Variants in ADGRE1 observed in about 807,000 individuals in gnomAD.
ADGRE1 encodes the protein adhesion G protein-coupled receptor E1, also known as EGF-like module receptor 1.
In ADGRE1, 82 loss-of-function variants were observed where a neutral mutation model predicts 102.7. The ratio of observed to expected loss-of-function variants is 0.80; its 90% CI spans 0.67 to 0.96. ADGRE1 has a LOEUF of 0.96. Ranked by LOEUF, ADGRE1 falls within the 40% of genes least tolerant of loss-of-function variation. The pLI, the probability that ADGRE1 is intolerant of heterozygous loss-of-function variation, is 0.00. For synonymous variants in ADGRE1, 398 were observed against 399.6 expected (o/e 1.00, Z 0.05); for missense variants, 1,032 against 1,085.3 (o/e 0.95, Z 0.69).
chr19:6,921,719 C>T lies in ADGRE1; in HGVS notation c.1627C>T (p.Gln543Ter), dbSNP rs752012605. ...GTTTTTTTGTTTTTTTTAGCCAAAG[C>T]AGAAGTTTGAGAGGCCCATCTGTGT... ...IYTLENIQPK[Q>*]KFERPICVSW... Residue 543 changes from glutamine to a stop codon, truncating the protein, a stop_gained, in exon 14 of 21, where the codon CAG becomes TAG. Transcript: ENST00000312053. LOFTEE classifies it high-confidence loss of function. 5.6e-6 allele frequency: 9 copies of T among 1,592,944 alleles called. No homozygotes were observed. The Admixed American group carries it at 1.7e-4, about 29-fold the overall frequency.
At chr19:6,907,007 G>T (rs977440556) in intron 9 of ADGRE1, among the ~76,000 whole-genome samples, 2 of 152,130 alleles carry the variant, frequency 1.3e-5, no homozygotes, top group Admixed American at 1.3e-4. Context: ...TGCCAGTGAA[G>T]GTGTTGATGC....
At chr19:6,929,363 T>C (rs1274687877) in intron 17 of ADGRE1, among the ~76,000 whole-genome samples, 1 of 152,018 alleles carries the variant, frequency 6.6e-6, no homozygotes, top group Admixed American at 6.6e-5. Flanking sequence ...GGCCCAAAGA[T>C]TGGTTGGACC....
rs1199600533 is a variant in ADGRE1 at position 6,908,898 on chromosome 19, T to C, written c.1122+126T>C. 16 of 796,738 alleles carry C rather than the reference T, an allele frequency of 2.0e-5. No individual in the cohort carries two copies. In the East Asian group the frequency reaches 3.0e-4, roughly 15 times the overall value. 49.4% of individuals were successfully genotyped at this position (796,738 alleles called of 1,614,324 possible). On this transcript the variant is annotated intron_variant, in intron 10 of 20. Transcript: ENST00000312053. ...CCCATAATCCCAGCACTTTGGGAGA[T>C]TGAGTCAGATGAATCACTTGAGGTC...
intron 17 of ADGRE1, among the ~76,000 whole-genome samples, chr19:6,933,544 C>T (rs901262385): frequency 2.0e-5 from 3 of 152,046 alleles, no homozygotes; most frequent in South Asian, 2.1e-4. Flanking sequence ...TGCAGCACCA[C>T]GGCCAGCTAA....
intron 9 of ADGRE1, among the ~76,000 whole-genome samples, chr19:6,907,917 C>T (rs1248887250): frequency 6.6e-6 from 1 of 152,124 alleles, no homozygotes; most frequent in Non-Finnish European, 1.5e-5. Context: ...CATACATTTC[C>T]TCTTCTTTTA....
chr19:6,922,716 A>G (rs988914086), intron 14 of ADGRE1, among the ~76,000 whole-genome samples: 1 of 152,112 alleles, frequency 6.6e-6, no homozygotes, highest in Non-Finnish European at 1.5e-5. Context: ...TGAGGAAACA[A>G]TATGAAATAA....
intron 7 of ADGRE1, 42 bp downstream of exon 7, chr19:6,903,992 T>C: frequency 6.2e-7 from 1 of 1,614,114 alleles, no homozygotes; most frequent in African/African-American, 1.3e-5. Context: ...AAGACATTTC[T>C]CTTTGCTCTT....
At chr19:6,892,638 C>A (rs773056843) in intron 2 of ADGRE1, among the ~76,000 whole-genome samples, 11 of 152,156 alleles carry the variant, frequency 7.2e-5, no homozygotes, top group Non-Finnish European at 1.6e-4. Context: ...CGAAATCCTC[C>A]CATGACTCCC....
intron 2 of ADGRE1, among the ~76,000 whole-genome samples, chr19:6,894,328 T>C (rs1200972512): frequency 2.0e-5 from 3 of 152,080 alleles, no homozygotes; most frequent in Non-Finnish European, 4.4e-5. Flanking sequence ...GCTCACAGTG[T>C]GGTGGTGAAG....
chr19:6,919,476 GTGTGTT>G (rs746872825), intron 12 of ADGRE1, 66 bp from the exon 13 acceptor site: 1 of 888,848 alleles, frequency 1.1e-6, no homozygotes, highest in Non-Finnish European at 1.8e-6. Context: ...GTGTGTGTGT[GTGTGTT>G]GGGTCTTCTA....
At chr19:6,892,238 T>C (rs1315793057) in intron 2 of ADGRE1, among the ~76,000 whole-genome samples, 2 of 152,130 alleles carry the variant, frequency 1.3e-5, no homozygotes, top group East Asian at 3.9e-4. Flanking sequence ...ACAAGGCACA[T>C]TATAGGAGCA....
chr19:6,929,546 G>A (rs533827538), intron 17 of ADGRE1, among the ~76,000 whole-genome samples: 7 of 151,298 alleles, frequency 4.6e-5, no homozygotes, highest in East Asian at 3.9e-4. Context: ...TTTTTTAGAC[G>A]GAGTCTCACT....
chr19:6,940,156 T>G lies in ADGRE1; in HGVS notation c.*127T>G. 8.7e-7 allele frequency: 1 copy of G among 1,147,600 alleles called. No homozygotes were observed. The highest frequency in any genetic ancestry group is 1.3e-6 in the Non-Finnish European group (1 of 787,092). 71.1% of individuals were successfully genotyped at this position (1,147,600 alleles called of 1,614,324 possible). ...GAGGATCCCACCAGCCCCAGAACCCTCTGGGGAAGAATGTTGGGGGCGGTC... is the reference window on the plus strand; with the variant it reads ...GAGGATCCCACCAGCCCCAGAACCCGCTGGGGAAGAATGTTGGGGGCGGTC... On this transcript the variant is annotated 3_prime_UTR_variant, in exon 21 of 21. Transcript: ENST00000312053.
intron 5 of ADGRE1, chr19:6,898,262 T>C: frequency 6.4e-7 from 1 of 1,552,366 alleles, no homozygotes. Context: ...AAATACAGTC[T>C]TCTATCTAGT....
At chr19:6,916,875 G>A (rs1281492761) in intron 12 of ADGRE1, among the ~76,000 whole-genome samples, 1 of 151,444 alleles carries the variant, frequency 6.6e-6, no homozygotes, top group African/African-American at 2.4e-5. Flanking sequence ...CTTATACTGA[G>A]TTAATATATT....
In ADGRE1 at chr19:6,897,704, T is replaced by G. The variant is rs1036741164; in HGVS notation, c.514+157T>G. ...AGTTGCTTATATCTTTTTCTATCCC[T>G]TTACTTTGAGCCTGTGGGTGTCTTT... On this transcript the variant is annotated intron_variant, in intron 5 of 20. Transcript: ENST00000312053. 4.1e-5 allele frequency: 31 copies of G among 759,712 alleles called. No homozygotes were observed. In the African/African-American group the frequency reaches 5.7e-4, roughly 14 times the overall value. The allele number at this position is 759,712 out of a possible 1,614,324, so 47.1% of individuals were successfully genotyped here.
chr19:6,936,163 G>A (rs1397794033), intron 18 of ADGRE1, among the ~76,000 whole-genome samples: 2 of 152,180 alleles, frequency 1.3e-5, no homozygotes, highest in Non-Finnish European at 2.9e-5. Context: ...GAGGCCTGGT[G>A]TGGTGGCTCA....
At chr19:6,926,251 T>A (rs1451068684) in intron 15 of ADGRE1, 115 bp from the exon 16 acceptor site, 3 of 1,092,942 alleles carry the variant, frequency 2.7e-6, no homozygotes, top group African/African-American at 3.1e-5. Flanking sequence ...GTTTGTGAGA[T>A]GAATGAGTGA....
intron 11 of ADGRE1, among the ~76,000 whole-genome samples, chr19:6,914,918 G>T (rs751274683): frequency 2.0e-5 from 3 of 152,170 alleles, no homozygotes; most frequent in Non-Finnish European, 4.4e-5. Flanking sequence ...GAACAATGAG[G>T]TGCACAGTGT....
Sources: gnomAD v4.1 joint callset for allele counts (sites outside exome capture counted in the v4.1 genomes callset) on GRCh38, gnomAD v4.1.1 for gene constraint, MANE v1.5 for transcripts, NCBI Gene and HGNC (gene_info 2026-07-23, HGNC 2026-07-21) for gene names.